CAPN3: variants seen among roughly 807,000 people sequenced by gnomAD.
The protein encoded by CAPN3 is calpain-3.
In CAPN3, 88 loss-of-function variants were observed where a neutral mutation model predicts 114.0. That is an observed-to-expected ratio of 0.77 (90% CI 0.65 to 0.92). The LOEUF (loss-of-function observed/expected upper bound fraction) is 0.92, where lower values mean the gene tolerates loss of function less well. Ranked by LOEUF, CAPN3 falls within the 40% of genes least tolerant of loss-of-function variation. The pLI, the probability that CAPN3 is intolerant of heterozygous loss-of-function variation, is 0.00. For synonymous variants in CAPN3, 386 were observed against 382.9 expected, an observed-to-expected ratio of 1.01 and a Z score of -0.09; for missense variants, 1,028 against 1,069.0, an observed-to-expected ratio of 0.96 and a Z score of 0.53.
intron 6 of CAPN3, among the ~76,000 whole-genome samples, chr15:42,390,836 G>T: frequency 6.8e-6 from 1 of 147,398 alleles, no homozygotes; most frequent in African/African-American, 2.5e-5. Flanking sequence ...TATTCCCTAG[G>T]CTGGAGCACA....
At chr15:42,380,752 T>TATATATATATATATATATATATATA (rs1491298329) in intron 1 of CAPN3, among the ~76,000 whole-genome samples, 2 of 37,836 alleles carry the variant, frequency 5.3e-5, no homozygotes, top group African/African-American at 3.2e-4. Context: ...TATATATATA[T>TATATATATATATATATATATATATA]TTTTTTTTTT....
At chr15:42,410,770 A>C in intron 21 of CAPN3, 104 bp downstream of exon 21, 1 of 1,358,484 alleles carries the variant, frequency 7.4e-7, no homozygotes, top group Non-Finnish European at 1.1e-6. Flanking sequence ...GGAGAGGGAA[A>C]GGGCTTCTCA....
chr15:42,362,470 C>A (rs1256794264), intron 1 of CAPN3, among the ~76,000 whole-genome samples: 2 of 152,026 alleles, frequency 1.3e-5, no homozygotes, highest in East Asian at 1.9e-4. Context: ...TAAATTGTGC[C>A]CCCACCACCA....
intron 9 of CAPN3, among the ~76,000 whole-genome samples, chr15:42,398,590 T>TACACACACACACAC (rs376966106): frequency 2.5e-5 from 3 of 120,256 alleles, no homozygotes; most frequent in African/African-American, 6.0e-5. Context: ...TCTCAAAAAA[T>TACACACACACACAC]ACACACACAC....
intron 14 of CAPN3, 174 bp downstream of exon 14, chr15:42,403,951 T>A: frequency 1.4e-6 from 1 of 715,982 alleles, no homozygotes; most frequent in Admixed American, 2.0e-5. Flanking sequence ...CCAGAAGTAA[T>A]CGGCCTTAAG....
chr15:42,411,012 A>AG lies in CAPN3; in HGVS notation c.2380+18dup. Reference sequence around the variant, plus strand: ...GGAGGGCATGTTCAGTAAGTGGGAGAGGGGGGCTGCCCTCTGCTCTCTTGC... The same window carrying AG: ...GGAGGGCATGTTCAGTAAGTGGGAGAGGGGGGGCTGCCCTCTGCTCTCTTGC... On this transcript the variant is annotated intron_variant, in intron 22 of 23. Coordinates refer to ENST00000397163, the MANE Select transcript of CAPN3 (RefSeq NM_000070.3). 2 of 1,412,330 alleles carry AG rather than the reference A, an allele frequency of 1.4e-6. No homozygotes were observed. Among genetic ancestry groups the AG allele is most frequent in the Admixed American group, 1.8e-5 (1 of 56,102 alleles). The allele number at this position is 1,412,330 out of a possible 1,614,324, so 87.5% of individuals were successfully genotyped here.
In CAPN3 at chr15:42,396,863, G is replaced by T. The variant is rs904564825; in HGVS notation, c.1179G>T (p.Glu393Asp). 6.2e-7 allele frequency: 1 copy of T among 1,613,512 alleles called. No individual in the cohort carries two copies. The highest frequency in any genetic ancestry group is 1.1e-5 in the South Asian group (1 of 91,068). The change falls in exon 9 of 24, where the codon GAG becomes GAT. Residue 393 changes from glutamate (E) to aspartate (D), a missense_variant. Coordinates refer to ENST00000397163, the MANE Select transcript of CAPN3 (RefSeq NM_000070.3). ...EKARLQHQVT[E>D]DGEFWMSYED... is the part of the protein sequence containing the mutation. ...CCCGTCTGCAGCACCAGGTCACTGAGGATGGAGAGTTCTGGTGAGTCCAGA... is the reference window on the plus strand; with the variant it reads ...CCCGTCTGCAGCACCAGGTCACTGATGATGGAGAGTTCTGGTGAGTCCAGA...
At position 42,409,925 on chromosome 15, in the gene CAPN3, C is replaced by T; in HGVS notation, c.2051-6C>T. The stretch of plus-strand genomic sequence containing the variant: ...AGCAGCTCCTCACTCTTCTCCATCC[C>T]CCCAGACAAGGACCTGAAGACACAC... On this transcript the variant is annotated splice_region_variant and splice_polypyrimidine_tract_variant and intron_variant, in intron 18 of 23. Transcript: ENST00000397163. 1.9e-6 allele frequency: 3 copies of T among 1,612,690 alleles called. No homozygotes were observed. Among genetic ancestry groups the T allele is most frequent in the South Asian group, 2.2e-5 (2 of 91,024 alleles).
chr15:42,410,836 C>T (rs372898408), intron 21 of CAPN3, 48 bp from the exon 22 acceptor site: 1 of 1,510,996 alleles, frequency 6.6e-7, no homozygotes, highest in Non-Finnish European at 9.2e-7. Flanking sequence ...GAAGGCAGGC[C>T]CAAGGCCTCC....
intron 2 of CAPN3, 33 bp downstream of exon 2, chr15:42,384,585 A>G (rs2053338434): frequency 2.7e-6 from 4 of 1,467,390 alleles, no homozygotes; most frequent in East Asian, 4.5e-5. Flanking sequence ...ATCCTGCCAG[A>G]TGATCAAGGG....
intron 15 of CAPN3, 96 bp downstream of exon 15, chr15:42,406,039 G>A: frequency 9.2e-7 from 1 of 1,089,388 alleles, no homozygotes; most frequent in Non-Finnish European, 1.4e-6. Flanking sequence ...ATGCATCCAT[G>A]CACCAGACTT....
chr15:42,360,595 C>T (rs2141104039), intron 1 of CAPN3, among the ~76,000 whole-genome samples: 1 of 152,194 alleles, frequency 6.6e-6, no homozygotes, highest in South Asian at 2.1e-4. Flanking sequence ...AACACAGAAA[C>T]CCTAGAAAGA....
Position 42,360,093 on chromosome 15 carries a change from G to T in CAPN3, c.288G>T (p.Gln96His), listed in dbSNP as rs374708755. The T allele has an allele frequency of 6.2e-6, 10 of 1,614,106 alleles. No homozygotes were observed. Among genetic ancestry groups the T allele is most frequent in the Non-Finnish European group, 8.5e-7 (1 of 1,180,046 alleles). ...SLFYSQKFPIQFVWKRPPEIC... is the reference protein window; with the variant it reads ...SLFYSQKFPIHFVWKRPPEIC... The stretch of plus-strand genomic sequence containing the variant: ...TTTATAGCCAGAAGTTCCCCATCCA[G>T]TTCGTCTGGAAGAGACCTCCGGTGA... The change falls in exon 1 of 24, where the codon CAG becomes CAT. Residue 96 changes from glutamine to histidine, a missense_variant. Transcript: ENST00000397163.
At chr15:42,366,330 G>T (rs28489155) in intron 1 of CAPN3, among the ~76,000 whole-genome samples, 4,621 of 152,202 alleles carry the variant, frequency 0.03, 190 homozygotes, top group African/African-American at 0.091. Flanking sequence ...CACACCGGCT[G>T]GTTTTTGCTG....
intron 1 of CAPN3, among the ~76,000 whole-genome samples, chr15:42,379,706 T>G (rs1231451257): frequency 6.6e-6 from 1 of 152,250 alleles, no homozygotes; most frequent in Non-Finnish European, 1.5e-5. Flanking sequence ...TCTCCTTATC[T>G]CTGATAATTG....
intron 14 of CAPN3, chr15:42,404,488 G>C: frequency 2.2e-6 from 1 of 456,352 alleles, no homozygotes; most frequent in Admixed American, 2.4e-5. Context: ...ACTTCTCTGA[G>C]TTCACAGAGC....
rs762828831 is a variant in CAPN3, at chr15:42,394,463, A to G, written c.1115+122A>G. The G allele has an allele frequency of 1.6e-4, 132 of 809,196 alleles. 1 individual carries two copies. Among genetic ancestry groups the G allele is most frequent in the Admixed American group, 2.5e-4 (12 of 47,990 alleles). 50.1% of individuals were successfully genotyped at this position (809,196 alleles called of 1,614,324 possible). On this transcript the variant is annotated intron_variant, in intron 8 of 23. Coordinates refer to ENST00000397163, the MANE Select transcript of CAPN3 (RefSeq NM_000070.3). ...TGGTATAAAATCACCCTCAAAACCAATGATCCGCAGAGAAGAGGGGCACAG... is the reference window on the plus strand; with the variant it reads ...TGGTATAAAATCACCCTCAAAACCAGTGATCCGCAGAGAAGAGGGGCACAG...
Position 42,389,157 on chromosome 15 carries a change from A to G in CAPN3, c.801+61A>G. 5 of 1,505,682 alleles carry G rather than the reference A, an allele frequency of 3.3e-6. No individual in the cohort carries two copies. The South Asian group carries it at 4.5e-5, about 14-fold the overall frequency. 93.3% of individuals were successfully genotyped at this position (1,505,682 alleles called of 1,614,324 possible). A position where few individuals can be genotyped will look rare whatever the true frequency, so the allele number is the denominator to read the frequency against. On this transcript the variant is annotated intron_variant, in intron 5 of 23. Transcript: ENST00000397163. ...CCAAGTGTCAGGAAGCCTTTTACCCAATGAAGGGCAGCATAGAGCTTTTGT... is the reference window on the plus strand; with the variant it reads ...CCAAGTGTCAGGAAGCCTTTTACCCGATGAAGGGCAGCATAGAGCTTTTGT...
chr15:42,371,155 G>A (rs1044404801), intron 1 of CAPN3, among the ~76,000 whole-genome samples: 1 of 152,182 alleles, frequency 6.6e-6, no homozygotes, highest in African/African-American at 2.4e-5. Context: ...TTGAGAGCCA[G>A]CCTTCTGTCT....
Sources: allele counts gnomAD v4.1 joint callset (sites outside exome capture counted in the v4.1 genomes callset), GRCh38; gene constraint gnomAD v4.1.1; transcripts MANE v1.5; gene names NCBI Gene and HGNC (gene_info 2026-07-23, HGNC 2026-07-21).